The following RGL1 variants were observed in gnomAD, a reference collection of about 807,000 sequenced individuals.
RGL1 encodes the protein ral guanine nucleotide dissociation stimulator like 1.
A neutral mutation model predicts 95.2 loss-of-function variants in RGL1; 24 were observed. The ratio of observed to expected loss-of-function variants is 0.25; its 90% CI spans 0.18 to 0.35. The LOEUF is 0.35. RGL1 is among the 10% of genes least tolerant of loss of function. RGL1 has a pLI of 1.00. For synonymous variants in RGL1, 329 were observed against 344.9 expected (o/e 0.95, Z 0.51); for missense variants, 715 against 936.3 (o/e 0.76, Z 3.08).
intron 15 of RGL1, among the ~76,000 whole-genome samples, chr1:183,914,404 T>A (rs12086626): frequency 7.9e-5 from 12 of 152,192 alleles, no homozygotes; most frequent in African/African-American, 2.9e-4. Flanking sequence ...TAAACATCAG[T>A]GATTCACTTG....
intron 1 of RGL1, among the ~76,000 whole-genome samples, chr1:183,643,360 C>T (rs1027611305): frequency 5.3e-5 from 8 of 151,724 alleles, no homozygotes; most frequent in Admixed American, 3.3e-4. Flanking sequence ...GGTGCAATCT[C>T]GGCTCACTGC....
chr1:183,779,158 CCCTTCCTTCCTTCCTTCCTTCCTT>C (rs34992555), intron 2 of RGL1, among the ~76,000 whole-genome samples: 1,340 of 91,848 alleles, frequency 0.015, 33 homozygotes, highest in African/African-American at 0.044. Context: ...TCAAAATTTT[CCCTTCCTTCCTTCCTTCCTTCCTT>C]CCTTCCTTCC....
intron 4 of RGL1, among the ~76,000 whole-genome samples, chr1:183,874,952 T>C (rs1021866281): frequency 1.3e-5 from 2 of 152,188 alleles, no homozygotes; most frequent in African/African-American, 4.8e-5. Context: ...GCTTCAGTTC[T>C]TGAAGGACAA....
At chr1:183,890,643 A>G (rs777245638) in intron 8 of RGL1, among the ~76,000 whole-genome samples, 5 of 152,186 alleles carry the variant, frequency 3.3e-5, no homozygotes, top group African/African-American at 4.8e-5. Context: ...AAAGGAGTGT[A>G]GTACTGATAC....
In RGL1 at chr1:183,912,247, C is replaced by T. The variant is rs1558290416; in HGVS notation, c.1728C>T (p.Thr576=). 6.2e-7 allele frequency: 1 copy of T among 1,613,726 alleles called. No individual in the cohort carries two copies. Among genetic ancestry groups the T allele is most frequent in the Admixed American group, 1.7e-5 (1 of 59,950 alleles). ...AGGGCTCCATTACTCCCATGGACAC[C>T]CCTGATGAGCCTCAAAAAAAGGTAT... ...AEEGSITPMD[T]PDEPQKKLSE... The change falls in exon 15 of 18, where the codon ACC becomes ACT. Residue 576 remains threonine, a synonymous_variant. Coordinates refer to ENST00000360851, the MANE Select transcript of RGL1 (RefSeq NM_001297671.3).
intron 2 of RGL1, among the ~76,000 whole-genome samples, chr1:183,842,281 C>T (rs1413539160): frequency 3.3e-5 from 5 of 151,408 alleles, no homozygotes; most frequent in South Asian, 4.2e-4. Flanking sequence ...TTGCTTAACA[C>T]GTTCCCTGTT....
intron 4 of RGL1, among the ~76,000 whole-genome samples, chr1:183,866,401 T>C (rs1159507439): frequency 6.6e-6 from 1 of 152,128 alleles, no homozygotes; most frequent in Non-Finnish European, 1.5e-5. Context: ...TGAAGAAGAA[T>C]GAAGCAGGGT....
chr1:183,836,532 G>C lies in RGL1; in HGVS notation c.139-11034G>C, dbSNP rs1371448566. ...GATCCACCCACCTAGGCCTTCCAAA[G>C]TGCGGGAATACAGGCGTGAGCCACT... On this transcript the variant is annotated intron_variant, in intron 2 of 17. Transcript: ENST00000360851. 2.6e-5 allele frequency among the ~76,000 whole-genome samples: 4 copies of C among 152,082 alleles called. No homozygotes were observed. The East Asian group carries it at 7.7e-4, about 29-fold the overall frequency.
At chr1:183,859,243 C>T (rs1335347414) in intron 3 of RGL1, among the ~76,000 whole-genome samples, 1 of 152,074 alleles carries the variant, frequency 6.6e-6, no homozygotes, top group Non-Finnish European at 1.5e-5. Context: ...GGAAACAGGC[C>T]AGAGAAAAGA....
intron 3 of RGL1, among the ~76,000 whole-genome samples, chr1:183,849,183 G>C (rs1664650171): frequency 6.6e-6 from 1 of 151,986 alleles, no homozygotes; most frequent in African/African-American, 2.4e-5. Flanking sequence ...TCAAACTCCG[G>C]GGCTCAAGAG....
At chr1:183,835,309 C>T (rs1050218518) in intron 2 of RGL1, among the ~76,000 whole-genome samples, 1 of 152,074 alleles carries the variant, frequency 6.6e-6, no homozygotes, top group African/African-American at 2.4e-5. Context: ...TATTGTCATT[C>T]TGCTTTCATT....
At chr1:183,731,335 A>G (rs1203049228) in intron 1 of RGL1, among the ~76,000 whole-genome samples, 1 of 152,186 alleles carries the variant, frequency 6.6e-6, no homozygotes, top group African/African-American at 2.4e-5. Flanking sequence ...GTTTTCTGCC[A>G]CTTCTTTTTA....
At chr1:183,853,268 G>A (rs1013842470) in intron 3 of RGL1, among the ~76,000 whole-genome samples, 2 of 152,142 alleles carry the variant, frequency 1.3e-5, no homozygotes, top group African/African-American at 4.8e-5. Context: ...AGCGGAGGTT[G>A]CAGTGAGCTG....
At chr1:183,757,807 T>C (rs917098878) in intron 2 of RGL1, among the ~76,000 whole-genome samples, 5 of 152,250 alleles carry the variant, frequency 3.3e-5, no homozygotes, top group African/African-American at 1.2e-4. Flanking sequence ...CAAATATACA[T>C]AGCTGTTTGG....
At chr1:183,701,376 CT>C (rs757484334) in intron 1 of RGL1, among the ~76,000 whole-genome samples, 9 of 152,184 alleles carry the variant, frequency 5.9e-5, no homozygotes, top group Non-Finnish European at 1.3e-4. Flanking sequence ...TTTCAAGGTA[CT>C]GATGACAGAG....
intron 14 of RGL1, among the ~76,000 whole-genome samples, chr1:183,910,130 A>T (rs1459505125): frequency 6.6e-6 from 1 of 151,612 alleles, no homozygotes; most frequent in Non-Finnish European, 1.5e-5. Flanking sequence ...TTCTTTCAAA[A>T]GAGTTTTGCT....
At chr1:183,888,396 C>A in intron 7 of RGL1, 78 bp from the exon 8 acceptor site, 1 of 862,930 alleles carries the variant, frequency 1.2e-6, no homozygotes, top group South Asian at 1.5e-5. Context: ...GCTGTGATAC[C>A]TCTAAAACAG....
intron 2 of RGL1, among the ~76,000 whole-genome samples, chr1:183,791,541 T>G (rs1297470113): frequency 1.3e-5 from 2 of 152,226 alleles, no homozygotes; most frequent in Non-Finnish European, 2.9e-5. Context: ...ATTCAGCAAT[T>G]CTAGTGTTAT....
intron 2 of RGL1, among the ~76,000 whole-genome samples, chr1:183,776,782 T>G (rs1308225193): frequency 2.6e-5 from 4 of 152,154 alleles, no homozygotes; most frequent in African/African-American, 9.7e-5. Context: ...GGTCTGATCA[T>G]GAAAGGCCAT....
Sources: allele counts gnomAD v4.1 joint callset (sites outside exome capture counted in the v4.1 genomes callset), GRCh38; gene constraint gnomAD v4.1.1; transcripts MANE v1.5; gene names NCBI Gene and HGNC (gene_info 2026-07-23, HGNC 2026-07-21).